FARP1: variants seen among roughly 807,000 people sequenced by gnomAD.
FARP1 encodes FERM, ARH/RhoGEF and pleckstrin domain protein 1.
FARP1 carries 52 observed loss-of-function variants against 128.8 expected under a neutral mutation model. That is an observed-to-expected ratio of 0.40 (90% CI 0.32 to 0.51). The LOEUF is 0.51. FARP1 is among the 20% of genes least tolerant of loss of function. FARP1 has a pLI of 0.45. For missense variants in FARP1, 1,333 were observed against 1,367.9 expected (o/e 0.97, Z 0.40); for synonymous variants, 580 against 551.8 (o/e 1.05, Z -0.72).
chr13:98,268,708 TC>T (rs1379163974), intron 2 of FARP1, among the ~76,000 whole-genome samples: 1 of 151,772 alleles, frequency 6.6e-6, no homozygotes, highest in Admixed American at 6.6e-5. Context: ...CCTCAAGTGA[TC>T]CTCTTGCCTT....
chr13:98,390,019 G>GA lies in FARP1; in HGVS notation c.922dup (p.Ile308AsnfsTer4), dbSNP rs775198944. 1.2e-6 allele frequency: 2 copies of GA among 1,614,162 alleles called. No homozygotes were observed. Among genetic ancestry groups the GA allele is most frequent in the Non-Finnish European group, 1.7e-6 (2 of 1,180,024 alleles). ...GTCGGGATTTCTGCAAGTCCTTCTG[G>GA]AAAATCTGTGTTGAACATCATGCCT... On this transcript the variant is annotated frameshift_variant, in exon 10 of 27. Coordinates refer to ENST00000319562, the MANE Select transcript of FARP1 (RefSeq NM_005766.4). LOFTEE classifies it high-confidence loss of function.
At chr13:98,329,312 C>T (rs1302889733) in intron 2 of FARP1, 2 of 152,176 alleles carry the variant, frequency 1.3e-5, no homozygotes, top group Non-Finnish European at 2.9e-5. Flanking sequence ...TAATGGTCAG[C>T]ATTTATGGCT....
At chr13:98,285,099 G>A (rs1185267600) in intron 2 of FARP1, among the ~76,000 whole-genome samples, 1 of 152,154 alleles carries the variant, frequency 6.6e-6, no homozygotes, top group Non-Finnish European at 1.5e-5. Flanking sequence ...AAAAGGTAAT[G>A]CTGCAGTGCT....
rs555070601 is a variant in FARP1 at position 98,148,097 on chromosome 13, A to G, written c.-24+4605A>G. The stretch of plus-strand genomic sequence containing the variant: ...GAGGTTCCTTTTCAAAAAAAAAGAC[A>G]ATAAGGTGCGGTGGCTCACGCCTGT... On this transcript the variant is annotated intron_variant, in intron 1 of 26. Transcript: ENST00000319562. Among the ~76,000 whole-genome samples the G allele has an allele frequency of 2.0e-5, 3 of 147,850 alleles. No homozygotes were observed. In the East Asian group the frequency reaches 6.1e-4, roughly 30 times the overall value.
At chr13:98,270,942 C>T (rs1205710655) in intron 2 of FARP1, among the ~76,000 whole-genome samples, 1 of 152,154 alleles carries the variant, frequency 6.6e-6, no homozygotes, top group South Asian at 2.1e-4. Context: ...TCTGAGCCAT[C>T]GTTTCTTCAC....
chr13:98,345,937 C>T (rs1888160465), intron 3 of FARP1, among the ~76,000 whole-genome samples: 1 of 152,200 alleles, frequency 6.6e-6, no homozygotes, highest in African/African-American at 2.4e-5. Context: ...CTGCCAGGCA[C>T]CGTGCTAGGT....
At chr13:98,163,651 C>G (rs1877041181) in intron 1 of FARP1, among the ~76,000 whole-genome samples, 1 of 151,554 alleles carries the variant, frequency 6.6e-6, no homozygotes, top group African/African-American at 2.4e-5. Flanking sequence ...ATCAAAAATA[C>G]TTACTTGGTA....
chr13:98,368,968 C>A (rs1474737105), intron 5 of FARP1, among the ~76,000 whole-genome samples: 1 of 151,540 alleles, frequency 6.6e-6, no homozygotes, highest in Non-Finnish European at 1.5e-5. Context: ...CTCTGTCGCC[C>A]AGGTTGGAGT....
intron 2 of FARP1, among the ~76,000 whole-genome samples, chr13:98,319,884 GA>G (rs1886915338): frequency 6.6e-6 from 1 of 151,958 alleles, no homozygotes; most frequent in Non-Finnish European, 1.5e-5. Flanking sequence ...AAATAAGTTG[GA>G]AAAAAAGTTA....
At chr13:98,335,436 A>G (rs1001514835) in intron 2 of FARP1, among the ~76,000 whole-genome samples, 3 of 152,198 alleles carry the variant, frequency 2.0e-5, no homozygotes, top group African/African-American at 4.8e-5. Context: ...GAGACTTACT[A>G]TCACGAGAAC....
intron 2 of FARP1, among the ~76,000 whole-genome samples, chr13:98,305,101 T>C (rs995171065): frequency 2.5e-4 from 13 of 51,170 alleles, no homozygotes; most frequent in South Asian, 7.9e-4. Flanking sequence ...AATATTTAAA[T>C]GTGTATATAT....
intron 1 of FARP1, among the ~76,000 whole-genome samples, chr13:98,163,395 T>C (rs898806467): frequency 2.0e-5 from 3 of 152,114 alleles, no homozygotes; most frequent in Non-Finnish European, 4.4e-5. Flanking sequence ...GTTAAACCCC[T>C]GTGACATGAG....
chr13:98,315,744 A>G (rs1886692309), intron 2 of FARP1, among the ~76,000 whole-genome samples: 1 of 152,188 alleles, frequency 6.6e-6, no homozygotes, highest in African/African-American at 2.4e-5. Context: ...TGCTTGAGTC[A>G]CTGCAGTGAG....
intron 3 of FARP1, among the ~76,000 whole-genome samples, chr13:98,363,131 C>T (rs1735515307): frequency 6.6e-6 from 1 of 152,168 alleles, no homozygotes; most frequent in East Asian, 1.9e-4. Context: ...TAGTTCCTTC[C>T]CATTGCTCTT....
At chr13:98,267,799 C>T (rs1884199380) in intron 2 of FARP1, among the ~76,000 whole-genome samples, 1 of 135,624 alleles carries the variant, frequency 7.4e-6, no homozygotes, top group South Asian at 2.6e-4. Flanking sequence ...GGGCCTTGTC[C>T]AGTGATGTCT....
chr13:98,262,139 C>T (rs1342462468), intron 2 of FARP1, among the ~76,000 whole-genome samples: 1 of 151,836 alleles, frequency 6.6e-6, no homozygotes, highest in Non-Finnish European at 1.5e-5. Flanking sequence ...CTTCAACCTC[C>T]CAAGTAGCTG....
intron 3 of FARP1, among the ~76,000 whole-genome samples, chr13:98,356,852 C>T (rs530268583): frequency 2.6e-5 from 4 of 152,048 alleles, no homozygotes; most frequent in Admixed American, 1.3e-4. Flanking sequence ...CCAGGCTGGT[C>T]GCGAACTCCT....
intron 2 of FARP1, among the ~76,000 whole-genome samples, chr13:98,241,968 G>A (rs188478320): frequency 9.1e-4 from 139 of 152,236 alleles, no homozygotes; most frequent in Middle Eastern, 6.8e-3. Flanking sequence ...AACCAGGCAC[G>A]GTGGTATGTG....
intron 19 of FARP1, chr13:98,437,626 T>C: frequency 1.7e-6 from 1 of 571,946 alleles, no homozygotes. Flanking sequence ...CGTTTTTCTA[T>C]CAGCCAAGGC....
Sources: gnomAD v4.1 joint callset for allele counts (sites outside exome capture counted in the v4.1 genomes callset) on GRCh38, gnomAD v4.1.1 for gene constraint, MANE v1.5 for transcripts, NCBI Gene and HGNC (gene_info 2026-07-23, HGNC 2026-07-21) for gene names.